The following RAD51AP2 variants were observed in gnomAD, a reference collection of about 807,000 sequenced individuals.
RAD51AP2 encodes the protein RAD51-associated protein 2.
Under a neutral mutation model 85.5 loss-of-function variants are expected in RAD51AP2, and 67 were observed. That is an observed-to-expected ratio of 0.78 (90% CI 0.64 to 0.96). The LOEUF (loss-of-function observed/expected upper bound fraction) is 0.96. Ranked by LOEUF, RAD51AP2 falls within the 40% of genes least tolerant of loss-of-function variation. RAD51AP2 has a pLI of 0.00. For synonymous variants in RAD51AP2, 474 were observed against 446.5 expected (o/e 1.06, Z -0.78); for missense variants, 1,307 against 1,332.4 (o/e 0.98, Z 0.30).
At chr2:17,533,948 A>G in the RAD51AP2 span, among the ~76,000 whole-genome samples, 10 of 152,226 alleles carry the variant, frequency 6.6e-5, no homozygotes, top group African/African-American at 1.9e-4. Context: ...CAAAAATACA[A>G]CAAACCAGTC....
rs1303353720 is a variant in RAD51AP2, at chr2:17,518,133, T to C, written c.283A>G (p.Ser95Gly). ...STDSCVEKSVSGKQICNLKCS... is the reference protein window; with the variant it reads ...STDSCVEKSVGGKQICNLKCS... ...TTCAGATTACATATCTGCTTCCCAC[T>C]GACTGATTTCTCCACACACGAGTCT... Residue 95 changes from serine to glycine, a missense_variant, in exon 1 of 3, where the codon AGT becomes GGT. Around this residue, in one of 3 missense-constraint regions of RAD51AP2, gnomAD observed 635 missense variants for 643.6 expected, o/e 0.99. Transcript: ENST00000399080. The C allele has an allele frequency of 6.2e-6, 10 of 1,614,200 alleles. No individual in the cohort carries two copies. In the East Asian group the frequency reaches 2.0e-4, roughly 32 times the overall value.
In RAD51AP2 at chr2:17,515,831, T is replaced by C. The variant is rs759924346; in HGVS notation, c.2585A>G (p.Asp862Gly). ...KDTKIEKEEKDSFFPMDDMFS... is the reference protein window; with the variant it reads ...KDTKIEKEEKGSFFPMDDMFS... ...CATGTCATCCATTGGAAAAAAACTA[T>C]CTTTCTCTTCCTTTTCTATCTTAGT... Residue 862 changes from aspartate (D) to glycine (G), a missense_variant, in exon 1 of 3, where the codon GAT becomes GGT. Around this residue, in one of 3 missense-constraint regions of RAD51AP2, gnomAD observed 668 missense variants for 671.0 expected, o/e 1.00. Coordinates refer to ENST00000399080, the MANE Select transcript of RAD51AP2 (RefSeq NM_001099218.3). 5.0e-6 allele frequency: 8 copies of C among 1,608,522 alleles called. No individual in the cohort carries two copies. Among genetic ancestry groups the C allele is most frequent in the Non-Finnish European group, 6.8e-6 (8 of 1,176,502 alleles).
intron 2 of RAD51AP2, among the ~76,000 whole-genome samples, chr2:17,512,693 C>A (rs77597636): frequency 0.022 from 3,283 of 152,194 alleles, 111 homozygotes; most frequent in African/African-American, 0.075. Context: ...AAGCCAATTT[C>A]TTCCTTTCTT....
rs1209327175 is a variant in RAD51AP2, at chr2:17,517,344, A to G, written c.1072T>C (p.Cys358Arg). 5 of 1,613,770 alleles carry G rather than the reference A, an allele frequency of 3.1e-6. No individual in the cohort carries two copies. The highest frequency in any genetic ancestry group is 4.2e-6 in the Non-Finnish European group (5 of 1,179,922). Residue 358 changes from cysteine (C) to arginine (R), a missense_variant, in exon 1 of 3, where the codon TGT becomes CGT. This residue lies in a region of RAD51AP2 where 635 missense variants were observed against 643.6 expected (regional missense o/e 0.99). Transcript: ENST00000399080. ...SNYCNCSSIQ[C>R]NVRDSRKNFA... is the part of the protein sequence containing the mutation. ...TTCTTTCTAGAGTCTCTTACATTAC[A>G]CTGGATACTACTGCAGTTACAGTAG...
the RAD51AP2 span, among the ~76,000 whole-genome samples, chr2:17,529,212 T>C: frequency 4.0e-5 from 6 of 151,728 alleles, no homozygotes; most frequent in Admixed American, 1.3e-4. Context: ...TTCCTCTGTA[T>C]ACATTTACTA....
intron 2 of RAD51AP2, among the ~76,000 whole-genome samples, chr2:17,513,517 G>A (rs1234288850): frequency 1.3e-5 from 2 of 152,108 alleles, no homozygotes; most frequent in Non-Finnish European, 2.9e-5. Flanking sequence ...GGTTACAGGC[G>A]TGAGCCACCG....
chr2:17,511,134 T>C (rs140940171), intron 2 of RAD51AP2, among the ~76,000 whole-genome samples, 179 bp from the exon 3 acceptor site: 4 of 152,298 alleles, frequency 2.6e-5, no homozygotes, highest in African/African-American at 9.6e-5. Flanking sequence ...AGTTTTAAAA[T>C]ATGAAAAACA....
intron 2 of RAD51AP2, among the ~76,000 whole-genome samples, chr2:17,511,262 C>A (rs967714008): frequency 6.6e-6 from 1 of 152,122 alleles, no homozygotes; most frequent in Non-Finnish European, 1.5e-5. Flanking sequence ...GGTTTTAAAG[C>A]CAACTTGATG....
upstream of RAD51AP2, among the ~76,000 whole-genome samples, chr2:17,519,011 G>A (rs1662795365): frequency 6.6e-6 from 1 of 151,778 alleles, no homozygotes; most frequent in Non-Finnish European, 1.5e-5. Flanking sequence ...GTGTTTGGGG[G>A]AAAAAAGCCA....
chr2:17,515,636 A>C lies in RAD51AP2; in HGVS notation c.2780T>G (p.Ile927Ser). Residue 927 changes from isoleucine (I) to serine (S), a missense_variant, in exon 1 of 3, where the codon ATT (isoleucine) becomes AGT (serine). Ile to Ser is a moderately radical substitution (Grantham distance 142). Transcript: ENST00000399080. ...FHRKNDSALY[I>S]NHQFETGLSE... ...CAGACCAGTTTCAAATTGATGATTAATATATAATGCAGAGTCATTCTTTCT... is the reference window on the plus strand; with the variant it reads ...CAGACCAGTTTCAAATTGATGATTACTATATAATGCAGAGTCATTCTTTCT... 1 of 1,612,402 alleles carries C rather than the reference A, an allele frequency of 6.2e-7. No individual in the cohort carries two copies. Among genetic ancestry groups the C allele is most frequent in the Non-Finnish European group, 8.5e-7 (1 of 1,179,426 alleles).
the RAD51AP2 span, among the ~76,000 whole-genome samples, chr2:17,528,359 C>A: frequency 3.3e-5 from 5 of 152,060 alleles, no homozygotes; most frequent in Admixed American, 6.6e-5. Flanking sequence ...GGGTAGGCGA[C>A]AAATAATCAT....
In RAD51AP2 at chr2:17,516,249, A is replaced by T. The variant is rs756677655; in HGVS notation, c.2167T>A (p.Trp723Arg). Reference protein sequence around the residue: ...CPQQVVNVENWAHYNSSTVKA... With the variant: ...CPQQVVNVENRAHYNSSTVKA... ...ACAGTACTAGAATTATAGTGAGCCC[A>T]ATTTTCCACATTCACAACTTGTTGA... Residue 723 changes from tryptophan (W) to arginine (R), a missense_variant, in exon 1 of 3, where the codon TGG becomes AGG. Trp to Arg is a moderately radical substitution (Grantham distance 101). This residue lies in a region of RAD51AP2 where 668 missense variants were observed against 671.0 expected (regional missense o/e 1.00). Transcript: ENST00000399080. The T allele has an allele frequency of 1.2e-6, 2 of 1,611,496 alleles. No homozygotes were observed. Among genetic ancestry groups the T allele is most frequent in the Non-Finnish European group, 1.7e-6 (2 of 1,179,352 alleles).
chr2:17,532,976 G>A, the RAD51AP2 span, among the ~76,000 whole-genome samples: 5 of 152,126 alleles, frequency 3.3e-5, no homozygotes, highest in Non-Finnish European at 7.4e-5. Context: ...ACTAAAATCA[G>A]TAAAACTGTT....
At chr2:17,526,072 T>C in the RAD51AP2 span, among the ~76,000 whole-genome samples, 2 of 151,810 alleles carry the variant, frequency 1.3e-5, no homozygotes, top group African/African-American at 4.8e-5. Flanking sequence ...TGATATTATA[T>C]ATTATATATG....
upstream of RAD51AP2, among the ~76,000 whole-genome samples, chr2:17,521,697 T>A (rs1662860181): frequency 6.6e-6 from 1 of 152,020 alleles, no homozygotes; most frequent in Admixed American, 6.6e-5. Context: ...GATTAAGTTT[T>A]TATCAGCGCA....
rs1461295850 is a variant in RAD51AP2, at chr2:17,517,853, T to A, written c.563A>T (p.Lys188Ile). 1 of 1,614,066 alleles carries A rather than the reference T, an allele frequency of 6.2e-7. No homozygotes were observed. Among genetic ancestry groups the A allele is most frequent in the African/African-American group, 1.3e-5 (1 of 74,956 alleles). The change falls in exon 1 of 3, where the codon AAA becomes ATA. Residue 188 changes from lysine to isoleucine, a missense_variant. Around this residue, in one of 3 missense-constraint regions of RAD51AP2, gnomAD observed 635 missense variants for 643.6 expected, o/e 0.99. Transcript: ENST00000399080. ...QFVQGRDNVHKENPFLDVTFY... is the reference protein window; with the variant it reads ...QFVQGRDNVHIENPFLDVTFY... ...GGTAACATCTAAAAATGGATTTTCT[T>A]TGTGAACATTGTCTCTTCCTTGGAC...
At chr2:17,530,530 A>G in the RAD51AP2 span, among the ~76,000 whole-genome samples, 1 of 140,640 alleles carries the variant, frequency 7.1e-6, no homozygotes, top group Non-Finnish European at 1.5e-5. Context: ...GCTTTGAGCC[A>G]AGATTGTGCC....
rs773546286 is a variant in RAD51AP2 at position 17,515,665 on chromosome 2, A to G, written c.2751T>C (p.Phe917=). 1.2e-6 allele frequency: 2 copies of G among 1,612,384 alleles called. No homozygotes were observed. Among genetic ancestry groups the G allele is most frequent in the Non-Finnish European group, 1.7e-6 (2 of 1,179,446 alleles). Residue 917 remains phenylalanine (F), a synonymous_variant, in exon 1 of 3, where the codon TTT becomes TTC. Transcript: ENST00000399080. ...ATAATGCAGAGTCATTCTTTCTGTG[A>G]AAATCCTTTGAATTAGCTATCTCCC... ...PEREIANSKD[F]HRKNDSALYI...
the RAD51AP2 span, among the ~76,000 whole-genome samples, chr2:17,524,100 G>A: frequency 1.3e-5 from 2 of 151,784 alleles, no homozygotes; most frequent in African/African-American, 4.8e-5. Flanking sequence ...ATACATTGCC[G>A]AATCAGGCTG....
Sources: gnomAD v4.1 joint callset for allele counts (sites outside exome capture counted in the v4.1 genomes callset) on GRCh38, gnomAD v4.1.1 for gene constraint, gnomAD v4.1.1 regional missense constraint, MANE v1.5 for transcripts, NCBI Gene and HGNC (gene_info 2026-07-23, HGNC 2026-07-21) for gene names.